The following ACTN1 variants were observed in gnomAD, a reference collection of about 807,000 sequenced individuals.
ACTN1 encodes the protein actinin alpha 1.
ACTN1 carries 30 observed loss-of-function variants against 119.6 expected under a neutral mutation model. The observed-to-expected ratio is 0.25, with a 90% CI of 0.19 to 0.34. The LOEUF is 0.34. Ranked by LOEUF, ACTN1 falls within the 10% of genes least tolerant of loss-of-function variation. The pLI is 1.00. For synonymous variants in ACTN1, 429 were observed against 472.6 expected (o/e 0.91, Z 1.20); for missense variants, 764 against 1,223.4 (o/e 0.62, Z 5.60).
intron 11 of ACTN1, chr14:68,888,165 C>G (rs1031851421): frequency 5.5e-5 from 28 of 509,336 alleles, no homozygotes; most frequent in Non-Finnish European, 1.8e-5. Flanking sequence ...GCTGCCTGGC[C>G]GCTGCCACTC....
intron 8 of ACTN1, among the ~76,000 whole-genome samples, chr14:68,897,723 G>A (rs914291037): frequency 2.6e-5 from 4 of 152,152 alleles, no homozygotes; most frequent in Non-Finnish European, 5.9e-5. Context: ...CCCTCTGTCC[G>A]GAGTCAGCCA....
intron 1 of ACTN1, chr14:68,977,791 G>C (rs59967556): frequency 8.2e-4 from 268 of 327,950 alleles, no homozygotes; most frequent in African/African-American, 6.1e-3. Context: ...AAAGGGACGC[G>C]CCATCCTGTC....
Position 68,945,521 on chromosome 14 carries a change from G to A in ACTN1, c.106-19849C>T, listed in dbSNP as rs2035917784. On this transcript the variant is annotated intron_variant, in intron 1 of 21. Transcript: ENST00000394419. ...AGAAAGAGACCTCTAAATGCCATGGGAAGGGCAGATCAGAGATGGAAAAGA... is the reference window on the plus strand; with the variant it reads ...AGAAAGAGACCTCTAAATGCCATGGAAAGGGCAGATCAGAGATGGAAAAGA... 1.3e-5 allele frequency among the ~76,000 whole-genome samples: 2 copies of A among 152,224 alleles called. 1 individual carries two copies. Among genetic ancestry groups the A allele is most frequent in the East Asian group, 3.9e-4 (2 of 5,192 alleles).
intron 1 of ACTN1, among the ~76,000 whole-genome samples, chr14:68,975,035 C>T (rs1202133384): frequency 2.0e-5 from 3 of 152,176 alleles, no homozygotes; most frequent in African/African-American, 7.2e-5. Context: ...TGTCCAAGTC[C>T]GACACAGCCT....
chr14:68,936,192 T>G (rs749899083), intron 1 of ACTN1, among the ~76,000 whole-genome samples: 2 of 152,134 alleles, frequency 1.3e-5, no homozygotes, highest in Non-Finnish European at 1.5e-5. Context: ...TTATTCTGAT[T>G]GGTGGGCTCT....
Position 68,926,036 on chromosome 14 carries a change from A to G in ACTN1, c.106-364T>C, listed in dbSNP as rs566473277. ...TCTTAAGTTATAAGACTTAGTTTCA[A>G]TCTTCACAGTTTTAAGACAGAGTAA... On this transcript the variant is annotated intron_variant, in intron 1 of 21. Coordinates refer to ENST00000394419, the MANE Select transcript of ACTN1 (RefSeq NM_001130004.2). Among the ~76,000 whole-genome samples, 3 of 152,314 alleles carry G rather than the reference A, an allele frequency of 2.0e-5. 1 individual carries two copies. The highest frequency in any genetic ancestry group is 2.1e-4 in the South Asian group (1 of 4,822).
At position 68,882,779 on chromosome 14, in the gene ACTN1, A is replaced by G. The variant is rs749504247; in HGVS notation, c.1818+94T>C. 30 of 1,546,130 alleles carry G rather than the reference A, an allele frequency of 1.9e-5. No individual in the cohort carries two copies. The highest frequency in any genetic ancestry group is 2.3e-5 in the Non-Finnish European group (26 of 1,135,512). On this transcript the variant is annotated intron_variant, in intron 15 of 21. Transcript: ENST00000394419. This position sits in a 1 kb window ranked among gnomAD's most constrained non-coding sequence, Gnocchi z 4.5. Reference sequence around the variant, plus strand: ...AACAATGAGTGTTTACTATATGACAATTTTAAATGAAATTGACAAAAATCA... The same window carrying G: ...AACAATGAGTGTTTACTATATGACAGTTTTAAATGAAATTGACAAAAATCA...
chr14:68,948,958 G>A (rs978797929), intron 1 of ACTN1, among the ~76,000 whole-genome samples: 1 of 152,234 alleles, frequency 6.6e-6, no homozygotes, highest in African/African-American at 2.4e-5. Context: ...AGCCCACAGA[G>A]ACCAGTCAGC....
intron 6 of ACTN1, among the ~76,000 whole-genome samples, chr14:68,907,668 G>C (rs931267959): frequency 3.3e-5 from 5 of 152,224 alleles, no homozygotes; most frequent in African/African-American, 4.8e-5. Flanking sequence ...GAGAGGGATA[G>C]TGCGTGGGAG....
At chr14:68,916,595 T>C (rs868273042) in intron 3 of ACTN1, among the ~76,000 whole-genome samples, 1 of 152,174 alleles carries the variant, frequency 6.6e-6, no homozygotes, top group South Asian at 2.1e-4. Context: ...TTCCCTGGCA[T>C]GGCAGGTCCT....
In ACTN1 at chr14:68,884,310, TG is replaced by T. The variant is rs2031816859; in HGVS notation, c.1495-3del. On this transcript the variant is annotated splice_polypyrimidine_tract_variant and splice_region_variant and intron_variant, in intron 13 of 21. Coordinates refer to ENST00000394419, the MANE Select transcript of ACTN1 (RefSeq NM_001130004.2). ...GGTCTCCAGCAGTTTCTCGGTCCGC[TG>T]GGAGTGCCAAATAGGGTAAGGGTTA... 1 of 1,613,734 alleles carries T rather than the reference TG, an allele frequency of 6.2e-7. No homozygotes were observed. The highest frequency in any genetic ancestry group is 1.1e-5 in the South Asian group (1 of 91,064).
rs1255845827 is a variant in ACTN1 at position 68,949,950 on chromosome 14, G to A, written c.106-24278C>T. Among the ~76,000 whole-genome samples the A allele has an allele frequency of 2.6e-5, 4 of 152,136 alleles. 1 individual carries two copies. The highest frequency in any genetic ancestry group is 1.3e-4 in the Admixed American group (2 of 15,268). The stretch of plus-strand genomic sequence containing the variant: ...GTAGAATGGAATTATCAGGACTGGG[G>A]GTCAGGAATTGTTCATGGGTACAGA... On this transcript the variant is annotated intron_variant, in intron 1 of 21. Coordinates refer to ENST00000394419, the MANE Select transcript of ACTN1 (RefSeq NM_001130004.2).
At chr14:68,965,149 C>T (rs2036664270) in intron 1 of ACTN1, among the ~76,000 whole-genome samples, 1 of 152,218 alleles carries the variant, frequency 6.6e-6, no homozygotes, top group Non-Finnish European at 1.5e-5. Flanking sequence ...AATCTAGCCC[C>T]ACAAGGAATG....
chr14:68,895,097 A>G (rs142668242), intron 8 of ACTN1, among the ~76,000 whole-genome samples: 8 of 152,186 alleles, frequency 5.3e-5, no homozygotes, highest in Non-Finnish European at 1.2e-4. Flanking sequence ...AAGGAGGTCA[A>G]GGGAGGCATG....
At chr14:68,947,304 C>T (rs2035975227) in intron 1 of ACTN1, 1 of 152,300 alleles carries the variant, frequency 6.6e-6, no homozygotes, top group South Asian at 2.1e-4. Context: ...AAGAATGGTT[C>T]GCTAAAAGCA....
At chr14:68,944,934 T>C (rs1451138806) in intron 1 of ACTN1, among the ~76,000 whole-genome samples, 1 of 148,610 alleles carries the variant, frequency 6.7e-6, no homozygotes, top group Non-Finnish European at 1.5e-5. Flanking sequence ...TATGCGTGTG[T>C]GGAGCAGGTA....
rs147442374 is a variant in ACTN1, at chr14:68,973,600, G to T, written c.105+5352C>A. On this transcript the variant is annotated intron_variant, in intron 1 of 21. Transcript: ENST00000394419. ...ATGTCTTTATTAGAAGCATGAGAAT[G>T]GACAAATACAGAAACCTTGGTCATG... 3.2e-3 allele frequency among the ~76,000 whole-genome samples: 484 copies of T among 152,292 alleles called. 5 individuals are homozygous for T. Among genetic ancestry groups the T allele is most frequent in the Non-Finnish European group, 2.4e-3 (161 of 68,026 alleles).
chr14:68,932,864 G>T (rs2035290158), intron 1 of ACTN1, among the ~76,000 whole-genome samples: 1 of 152,118 alleles, frequency 6.6e-6, no homozygotes, highest in Non-Finnish European at 1.5e-5. Flanking sequence ...CCAACCCCAA[G>T]CTATGACAAG....
chr14:68,949,210 C>G (rs2268980), intron 1 of ACTN1, among the ~76,000 whole-genome samples: 54,882 of 152,034 alleles, frequency 0.36, 10,484 homozygotes, highest in East Asian at 0.71. Flanking sequence ...TGGGGGAGGT[C>G]ATAAGAAGAA....
Sources: allele counts gnomAD v4.1 joint callset (sites outside exome capture counted in the v4.1 genomes callset), GRCh38; gene constraint gnomAD v4.1.1; non-coding constraint Gnocchi (gnomAD v3.1); transcripts MANE v1.5; gene names NCBI Gene and HGNC (gene_info 2026-07-23, HGNC 2026-07-21).